The following PARP4 variants were observed in gnomAD, a reference collection of about 807,000 sequenced individuals.
PARP4 encodes the protein poly(ADP-ribose) polymerase family member 4.
In PARP4, 120 loss-of-function variants were observed where a neutral mutation model predicts 187.7. That is an observed-to-expected ratio of 0.64 (90% CI 0.55 to 0.74). The LOEUF is 0.74. Ranked by LOEUF, PARP4 falls within the 30% of genes least tolerant of loss-of-function variation. The pLI is 0.00. For synonymous variants in PARP4, 654 were observed against 740.9 expected, an observed-to-expected ratio of 0.88 and a Z score of 1.90; for missense variants, 1,836 against 2,070.5, an observed-to-expected ratio of 0.89 and a Z score of 2.20.
intron 32 of PARP4, among the ~76,000 whole-genome samples, chr13:24,430,595 A>C (rs1375002793): frequency 6.6e-6 from 1 of 151,830 alleles, no homozygotes; most frequent in Non-Finnish European, 1.5e-5. Context: ...TAGAAGTTGC[A>C]GTCAGCCGAG....
At chr13:24,511,035 G>C (rs1869989869) in intron 1 of PARP4, among the ~76,000 whole-genome samples, 1 of 152,176 alleles carries the variant, frequency 6.6e-6, no homozygotes, top group Non-Finnish European at 1.5e-5. Context: ...CCATCCTCCT[G>C]CCTCAGCCTC....
intron 2 of PARP4, among the ~76,000 whole-genome samples, chr13:24,502,963 T>C (rs1319514356): frequency 1.3e-5 from 2 of 152,184 alleles, no homozygotes; most frequent in Non-Finnish European, 2.9e-5. Context: ...AGCTCATCAA[T>C]TCGTCAACAG....
At chr13:24,498,016 A>C in intron 6 of PARP4, 100 bp downstream of exon 6, 1 of 737,382 alleles carries the variant, frequency 1.4e-6, no homozygotes, top group Non-Finnish European at 2.3e-6. Context: ...GAGCTAAGAC[A>C]ACAGGTAAGA....
rs1321162813 is a variant in PARP4 at position 24,493,636 on chromosome 13, T to C, written c.839A>G (p.His280Arg). 1 of 1,614,016 alleles carries C rather than the reference T, an allele frequency of 6.2e-7. No individual in the cohort carries two copies. Among genetic ancestry groups the C allele is most frequent in the Non-Finnish European group, 8.5e-7 (1 of 1,179,972 alleles). ...CCTGTTCACTGGCTTGAGAAGCATGTGTTCCAGGTGGCCCAGGGCCTCTGC... is the reference window on the plus strand; with the variant it reads ...CCTGTTCACTGGCTTGAGAAGCATGCGTTCCAGGTGGCCCAGGGCCTCTGC... ...IWAEALGHLEHMLLKPVNRIS... is the reference protein window; with the variant it reads ...IWAEALGHLERMLLKPVNRIS... Residue 280 changes from histidine to arginine, a missense_variant, in exon 8 of 34, where the codon CAC becomes CGC. Coordinates refer to ENST00000381989, the MANE Select transcript of PARP4 (RefSeq NM_006437.4).
chr13:24,456,501 A>C (rs1555234749), intron 20 of PARP4, 23 bp from the exon 21 acceptor site: 1 of 1,580,138 alleles, frequency 6.3e-7, no homozygotes, highest in Non-Finnish European at 8.7e-7. Flanking sequence ...CACCGCGACA[A>C]CAAGGTGAGT....
chr13:24,486,427 T>C (rs1032828447), intron 10 of PARP4, 122 bp from the exon 11 acceptor site: 1 of 681,218 alleles, frequency 1.5e-6, no homozygotes, highest in African/African-American at 1.8e-5. Flanking sequence ...ATTCAATGAG[T>C]CACAGCACAG....
At chr13:24,423,347 C>A (rs1043438463) in intron 33 of PARP4, among the ~76,000 whole-genome samples, 12 of 152,156 alleles carry the variant, frequency 7.9e-5, no homozygotes, top group African/African-American at 2.6e-4. Context: ...TCGAGACCAG[C>A]CTGGCCAACA....
chr13:24,460,542 C>A (rs1056593337), intron 17 of PARP4, among the ~76,000 whole-genome samples: 1 of 152,146 alleles, frequency 6.6e-6, no homozygotes, highest in Non-Finnish European at 1.5e-5. Context: ...ATGGCCTCCA[C>A]AAAGCCCTTT....
intron 33 of PARP4, among the ~76,000 whole-genome samples, chr13:24,422,067 C>T (rs1869774697): frequency 1.3e-5 from 2 of 152,136 alleles, no homozygotes; most frequent in South Asian, 4.1e-4. Context: ...TCCCTGTGAA[C>T]TGGGAAAGGG....
intron 14 of PARP4, among the ~76,000 whole-genome samples, chr13:24,477,245 C>T (rs1873031797): frequency 6.6e-6 from 1 of 151,980 alleles, no homozygotes; most frequent in African/African-American, 2.4e-5. Flanking sequence ...TTTGGGATAC[C>T]AAGGCAGGAG....
At chr13:24,440,352 C>T (rs1455144482) in intron 30 of PARP4, among the ~76,000 whole-genome samples, 2 of 141,258 alleles carry the variant, frequency 1.4e-5, no homozygotes, top group Middle Eastern at 3.9e-3. Flanking sequence ...GAATTGAGAT[C>T]ATGCCACTGC....
At chr13:24,472,817 T>C (rs1279424914) in intron 15 of PARP4, among the ~76,000 whole-genome samples, 4 of 152,108 alleles carry the variant, frequency 2.6e-5, no homozygotes, top group Admixed American at 2.0e-4. Context: ...CACTTGGTAT[T>C]TAATGCTCTT....
chr13:24,505,126 A>T (rs1222411010), intron 1 of PARP4, among the ~76,000 whole-genome samples: 2 of 150,028 alleles, frequency 1.3e-5, no homozygotes, highest in African/African-American at 4.9e-5. Context: ...AGAGAAGGTG[A>T]GGGTTAAAGA....
At chr13:24,484,518 TATTCC>T in intron 12 of PARP4, 130 bp downstream of exon 12, 1 of 633,432 alleles carries the variant, frequency 1.6e-6, no homozygotes. Context: ...GATGAAATAG[TATTCC>T]AGCCACATTG....
intron 30 of PARP4, among the ~76,000 whole-genome samples, chr13:24,440,659 T>C (rs1870877996): frequency 6.6e-6 from 1 of 152,156 alleles, no homozygotes; most frequent in African/African-American, 2.4e-5. Context: ...ACTGGGGCAC[T>C]GGGAAGGTCA....
rs1053195470 is a variant in PARP4 at position 24,420,991 on chromosome 13, A to G, written c.*128T>C. ...GATTAAAGTAATTCTTCTTCCACTT[A>G]ATTTTTAAAGACAGTAATTGCTACA... On this transcript the variant is annotated 3_prime_UTR_variant, in exon 34 of 34. Coordinates refer to ENST00000381989, the MANE Select transcript of PARP4 (RefSeq NM_006437.4). 8.3e-7 allele frequency: 1 copy of G among 1,211,974 alleles called. No homozygotes were observed. Among genetic ancestry groups the G allele is most frequent in the African/African-American group, 1.6e-5 (1 of 64,040 alleles). The allele number at this position is 1,211,974 out of a possible 1,614,324, so 75.1% of individuals were successfully genotyped here.
At chr13:24,479,399 C>A (rs555222721) in intron 12 of PARP4, among the ~76,000 whole-genome samples, 1 of 152,298 alleles carries the variant, frequency 6.6e-6, no homozygotes, top group Admixed American at 6.5e-5. Flanking sequence ...TCTATTCCTT[C>A]CTATCTCACC....
chr13:24,426,367 T>A, intron 33 of PARP4, 99 bp downstream of exon 33: 1 of 800,500 alleles, frequency 1.2e-6, no homozygotes, highest in Non-Finnish European at 1.9e-6. Context: ...ATACTTATAG[T>A]GTACACATGT....
intron 18 of PARP4, chr13:24,459,551 A>G: frequency 9.6e-6 from 4 of 417,772 alleles, no homozygotes; most frequent in Non-Finnish European, 1.3e-5. Flanking sequence ...ACACACGCAC[A>G]CACACACACA....
Sources: gnomAD v4.1 joint callset for allele counts (sites outside exome capture counted in the v4.1 genomes callset) on GRCh38, gnomAD v4.1.1 for gene constraint, MANE v1.5 for transcripts, NCBI Gene and HGNC (gene_info 2026-07-23, HGNC 2026-07-21) for gene names.